SORCS3: variants seen among roughly 807,000 people sequenced by gnomAD.
SORCS3 encodes sortilin related VPS10 domain containing receptor 3.
Under a neutral mutation model 146.3 loss-of-function variants are expected in SORCS3, and 57 were observed. The observed-to-expected ratio is 0.39, with a 90% confidence interval of 0.31 to 0.49. The LOEUF (loss-of-function observed/expected upper bound fraction) is 0.49. SORCS3 is among the 20% of genes least tolerant of loss of function. The pLI is 0.92. For synonymous variants in SORCS3, 653 were observed against 618.5 expected, an observed-to-expected ratio of 1.06 and a Z score of -0.83; for missense variants, 1,341 against 1,575.5, an observed-to-expected ratio of 0.85 and a Z score of 2.52.
At chr10:104,953,301 C>T (rs2133627854) in intron 3 of SORCS3, among the ~76,000 whole-genome samples, 1 of 152,302 alleles carries the variant, frequency 6.6e-6, no homozygotes, top group Admixed American at 6.5e-5. Flanking sequence ...TGTGGCCATA[C>T]CCTTGATGGG....
In SORCS3 at chr10:104,702,551, G is replaced by A. The variant is rs543103736; in HGVS notation, c.627+60597G>A. ...GATCCGCTTGCCTTGGCCTTCCAAA[G>A]TGCTGGAATTACAGGCGTGAACCAC... is the stretch of plus-strand genomic sequence containing the variant. On this transcript the variant is annotated intron_variant, in intron 1 of 26. Coordinates refer to ENST00000369701, the MANE Select transcript of SORCS3 (RefSeq NM_014978.3). 3.9e-5 allele frequency among the ~76,000 whole-genome samples: 6 copies of A among 152,314 alleles called. No individual in the cohort carries two copies. The South Asian group carries it at 1.2e-3, about 32-fold the overall frequency.
intron 1 of SORCS3, among the ~76,000 whole-genome samples, chr10:104,831,399 T>A (rs2017999290): frequency 1.3e-5 from 2 of 152,198 alleles, no homozygotes; most frequent in Non-Finnish European, 2.9e-5. Context: ...CTGCTGAACC[T>A]GTGGCTGGAA....
chr10:104,645,842 C>G (rs754694921), intron 1 of SORCS3, among the ~76,000 whole-genome samples: 6 of 152,202 alleles, frequency 3.9e-5, no homozygotes, highest in Admixed American at 1.3e-4. Context: ...GTATTTCACT[C>G]ACTGGATCAT....
intron 8 of SORCS3, among the ~76,000 whole-genome samples, chr10:105,140,575 C>A (rs1589652267): frequency 6.6e-6 from 1 of 152,092 alleles, no homozygotes; most frequent in African/African-American, 2.4e-5. Context: ...GTAGTGAGGG[C>A]AGTTTCCTAG....
At chr10:105,146,584 A>G (rs2056132835) in intron 8 of SORCS3, among the ~76,000 whole-genome samples, 1 of 152,096 alleles carries the variant, frequency 6.6e-6, no homozygotes, top group East Asian at 1.9e-4. Context: ...TGTGATTCAT[A>G]TTTACTTCAT....
chr10:104,996,591 G>A (rs1049960940), intron 4 of SORCS3, among the ~76,000 whole-genome samples: 3 of 152,074 alleles, frequency 2.0e-5, no homozygotes, highest in Non-Finnish European at 2.9e-5. Context: ...CATCTCTAGA[G>A]CACTTCATCT....
At chr10:104,678,873 A>T (rs1440606574) in intron 1 of SORCS3, among the ~76,000 whole-genome samples, 1 of 152,208 alleles carries the variant, frequency 6.6e-6, no homozygotes, top group Admixed American at 6.5e-5. Flanking sequence ...AAGCCAAACA[A>T]GAGAATCATT....
At chr10:104,695,432 T>C (rs2016163292) in intron 1 of SORCS3, among the ~76,000 whole-genome samples, 1 of 151,476 alleles carries the variant, frequency 6.6e-6, no homozygotes, top group Non-Finnish European at 1.5e-5. Context: ...AGTATACCAT[T>C]TAAAAAGAAC....
At chr10:104,692,997 G>A (rs1004197220) in intron 1 of SORCS3, among the ~76,000 whole-genome samples, 4 of 152,200 alleles carry the variant, frequency 2.6e-5, no homozygotes, top group South Asian at 2.1e-4. Flanking sequence ...ATGGGAGTCC[G>A]TTGGGGACTA....
intron 9 of SORCS3, among the ~76,000 whole-genome samples, chr10:105,153,641 G>A (rs1163243828): frequency 8.1e-6 from 1 of 123,578 alleles, no homozygotes; most frequent in African/African-American, 3.9e-5. Context: ...GAGAGTGTGT[G>A]TGTATGTGTG....
intron 11 of SORCS3, among the ~76,000 whole-genome samples, chr10:105,160,094 T>C (rs1261934887): frequency 6.6e-6 from 1 of 152,118 alleles, no homozygotes; most frequent in Non-Finnish European, 1.5e-5. Flanking sequence ...TTTTTCCAAC[T>C]CAAGGGCTGC....
At chr10:104,853,128 T>C (rs1041285249) in intron 2 of SORCS3, among the ~76,000 whole-genome samples, 3 of 152,260 alleles carry the variant, frequency 2.0e-5, no homozygotes, top group East Asian at 3.9e-4. Flanking sequence ...TGAAACCTCA[T>C]CTCTACTAAA....
At chr10:104,791,458 C>T (rs934181569) in intron 1 of SORCS3, among the ~76,000 whole-genome samples, 19 of 152,172 alleles carry the variant, frequency 1.2e-4, no homozygotes, top group Non-Finnish European at 8.8e-5. Context: ...CTGTGTTTAA[C>T]AGATGACTTA....
chr10:104,707,590 A>G (rs1322675329), intron 1 of SORCS3, among the ~76,000 whole-genome samples: 1 of 152,210 alleles, frequency 6.6e-6, no homozygotes, highest in African/African-American at 2.4e-5. Context: ...GAGGTGGCCA[A>G]CATCCATAGA....
intron 3 of SORCS3, among the ~76,000 whole-genome samples, chr10:104,962,622 G>A (rs2054802556): frequency 6.6e-6 from 1 of 152,106 alleles, no homozygotes; most frequent in Admixed American, 6.5e-5. Flanking sequence ...CTCACCATGT[G>A]GATAGAAATT....
chr10:104,996,419 C>T (rs7070639), intron 4 of SORCS3, among the ~76,000 whole-genome samples: 83,363 of 152,044 alleles, frequency 0.55, 26,088 homozygotes, highest in African/African-American at 0.87. Flanking sequence ...TTGCACCTCT[C>T]TTTTAATCAG....
At position 105,061,242 on chromosome 10, in the gene SORCS3, T is replaced by C. The variant is rs528694266; in HGVS notation, c.1028+18114T>C. Among the ~76,000 whole-genome samples the C allele has an allele frequency of 2.3e-3, 351 of 151,684 alleles. 3 individuals are homozygous for C. The highest frequency in any genetic ancestry group is 7.9e-3 in the African/African-American group (328 of 41,366). Reference sequence around the variant, plus strand: ...GAAGAAAGTTCTCTGAGTAGTTTTGTGTTTGTTTTGTGGGGGTGAGGTAGG... The same window carrying C: ...GAAGAAAGTTCTCTGAGTAGTTTTGCGTTTGTTTTGTGGGGGTGAGGTAGG... On this transcript the variant is annotated intron_variant, in intron 5 of 26. Coordinates refer to ENST00000369701, the MANE Select transcript of SORCS3 (RefSeq NM_014978.3).
chr10:105,039,122 A>G (rs1476943689), intron 4 of SORCS3, among the ~76,000 whole-genome samples: 1 of 152,154 alleles, frequency 6.6e-6, no homozygotes, highest in Non-Finnish European at 1.5e-5. Flanking sequence ...GTTGTTTGAT[A>G]CACTTTTAGT....
chr10:105,265,098 A>G lies in SORCS3; in HGVS notation c.*1724A>G, dbSNP rs1285678041. 6.6e-6 allele frequency: 1 copy of G among 152,660 alleles called. No homozygotes were observed. Among genetic ancestry groups the G allele is most frequent in the South Asian group, 2.1e-4 (1 of 4,830 alleles). 9.5% of individuals were successfully genotyped at this position (152,660 alleles called of 1,614,324 possible). On this transcript the variant is annotated 3_prime_UTR_variant, in exon 27 of 27. Transcript: ENST00000369701. ...ATACTTGTACTAAACACTGGAATAC[A>G]AATGCATGACTCATATCTATATATA...
Sources: allele counts gnomAD v4.1 joint callset (sites outside exome capture counted in the v4.1 genomes callset), GRCh38; gene constraint gnomAD v4.1.1; transcripts MANE v1.5; gene names NCBI Gene and HGNC (gene_info 2026-07-23, HGNC 2026-07-21).